The following CMC1 variants were observed in gnomAD, a reference collection of about 807,000 sequenced individuals.
The protein encoded by CMC1 is C-X9-C motif containing 1.
Under a neutral mutation model 14.1 loss-of-function variants are expected in CMC1, and 14 were observed. The ratio of observed to expected loss-of-function variants is 0.99; its 90% CI spans 0.66 to 1.55. CMC1 has a LOEUF of 1.55. CMC1 is among the 40% of genes most tolerant of loss of function. The probability of loss-of-function intolerance (pLI) is 0.00; values close to 1 mark genes in which losing one functional copy is unlikely to be tolerated. For synonymous variants in CMC1, 50 were observed against 38.4 expected (o/e 1.30, Z -1.12); for missense variants, 127 against 123.8 (o/e 1.03, Z -0.12).
At chr3:28,255,952 T>C (rs1264438556) in intron 1 of CMC1, among the ~76,000 whole-genome samples, 2 of 152,098 alleles carry the variant, frequency 1.3e-5, no homozygotes, top group East Asian at 1.9e-4. Flanking sequence ...TTGAGAAATA[T>C]AATTTTGCTA....
chr3:28,294,696 A>C (rs1701651589), intron 2 of CMC1, among the ~76,000 whole-genome samples: 2 of 152,204 alleles, frequency 1.3e-5, no homozygotes, highest in African/African-American at 4.8e-5. Flanking sequence ...TATGAATTAA[A>C]AAAATCTTTT....
At chr3:28,257,495 T>G (rs1015273619) in intron 1 of CMC1, among the ~76,000 whole-genome samples, 2 of 152,140 alleles carry the variant, frequency 1.3e-5, no homozygotes, top group African/African-American at 4.8e-5. Flanking sequence ...AATAGACTTG[T>G]ACAAGTTGTC....
At chr3:28,319,164 C>G in intron 3 of CMC1, 1 of 444,060 alleles carries the variant, frequency 2.3e-6, no homozygotes, top group South Asian at 1.6e-5. Context: ...TCTGCCCTCC[C>G]CATTTCTTCC....
At chr3:28,257,059 A>T (rs1469800930) in intron 1 of CMC1, among the ~76,000 whole-genome samples, 1 of 152,212 alleles carries the variant, frequency 6.6e-6, no homozygotes, top group Non-Finnish European at 1.5e-5. Context: ...GGAGAAAATT[A>T]TGAATCTTTT....
At chr3:28,266,931 GA>G (rs1336508490) in intron 2 of CMC1, among the ~76,000 whole-genome samples, 2 of 152,208 alleles carry the variant, frequency 1.3e-5, no homozygotes, top group African/African-American at 4.8e-5. Context: ...GAATGGAACT[GA>G]AGGAAAACCC....
intron 1 of CMC1, among the ~76,000 whole-genome samples, chr3:28,261,496 G>T (rs1371581028): frequency 1.3e-5 from 2 of 152,166 alleles, no homozygotes; most frequent in Non-Finnish European, 2.9e-5. Context: ...GAAAAAAGAA[G>T]TAATTTTGGA....
intron 2 of CMC1, among the ~76,000 whole-genome samples, chr3:28,278,199 C>G (rs1039175245): frequency 6.7e-6 from 1 of 149,524 alleles, no homozygotes; most frequent in African/African-American, 2.5e-5. Flanking sequence ...AAAGAGATGG[C>G]TCCTTATTTG....
chr3:28,269,644 C>T (rs1440472644), intron 2 of CMC1, among the ~76,000 whole-genome samples: 2 of 152,076 alleles, frequency 1.3e-5, no homozygotes, highest in Non-Finnish European at 2.9e-5. Flanking sequence ...CAGCTCACTG[C>T]AACCACTGCC....
At position 28,293,968 on chromosome 3, in the gene CMC1, A is replaced by G. The variant is rs187055647; in HGVS notation, c.110-22365A>G. 3.9e-3 allele frequency among the ~76,000 whole-genome samples: 591 copies of G among 152,326 alleles called. 1 individual carries two copies. The highest frequency in any genetic ancestry group is 6.7e-3 in the Non-Finnish European group (457 of 68,026). Reference sequence around the variant, plus strand: ...CTTCCTAAGACCTTTTATATTTTACATATAGCATTAAATTTGAACTATATG... The same window carrying G: ...CTTCCTAAGACCTTTTATATTTTACGTATAGCATTAAATTTGAACTATATG... On this transcript the variant is annotated intron_variant, in intron 2 of 3. Coordinates refer to ENST00000466830, the MANE Select transcript of CMC1 (RefSeq NM_182523.2).
chr3:28,247,337 A>T (rs1698876998), intron 1 of CMC1, among the ~76,000 whole-genome samples: 1 of 152,094 alleles, frequency 6.6e-6, no homozygotes, highest in African/African-American at 2.4e-5. Flanking sequence ...AAAAACCCTT[A>T]AGAGAGTAAG....
chr3:28,256,878 G>C (rs1025330602), intron 1 of CMC1, among the ~76,000 whole-genome samples: 1 of 152,138 alleles, frequency 6.6e-6, no homozygotes, highest in Admixed American at 6.5e-5. Flanking sequence ...ATAGAAATTG[G>C]AAGAGAATCT....
Position 28,256,620 on chromosome 3 carries a change from A to G in CMC1, c.20-6671A>G, listed in dbSNP as rs984080252. Reference sequence around the variant, plus strand: ...CTTTGTTTTATACACAATGTTCTAGATAATATAAAGGGAGAGGAAGGTCCC... The same window carrying G: ...CTTTGTTTTATACACAATGTTCTAGGTAATATAAAGGGAGAGGAAGGTCCC... On this transcript the variant is annotated intron_variant, in intron 1 of 3. Transcript: ENST00000466830. Among the ~76,000 whole-genome samples the G allele has an allele frequency of 3.3e-5, 5 of 152,178 alleles. No homozygotes were observed. The East Asian group carries it at 9.6e-4, about 29-fold the overall frequency.
chr3:28,245,444 C>T (rs1698774827), intron 1 of CMC1, among the ~76,000 whole-genome samples: 1 of 152,186 alleles, frequency 6.6e-6, no homozygotes, highest in Non-Finnish European at 1.5e-5. Context: ...TAATTCCTTT[C>T]TCCCTTCTTT....
intron 2 of CMC1, among the ~76,000 whole-genome samples, chr3:28,293,779 A>C (rs1037462511): frequency 6.6e-6 from 1 of 151,748 alleles, no homozygotes; most frequent in African/African-American, 2.4e-5. Flanking sequence ...ACCGAGTTTC[A>C]CCATGTTGGC....
chr3:28,312,116 T>C (rs891449741), intron 2 of CMC1, among the ~76,000 whole-genome samples: 2 of 152,220 alleles, frequency 1.3e-5, no homozygotes, highest in Admixed American at 6.5e-5. Context: ...GGTGCAGTTA[T>C]GGAAATATTG....
intron 2 of CMC1, among the ~76,000 whole-genome samples, chr3:28,301,679 TTAAA>T (rs1186239241): frequency 3.3e-5 from 5 of 152,114 alleles, no homozygotes; most frequent in African/African-American, 9.7e-5. Context: ...AAGCCAGTTG[TTAAA>T]TAAATAAATT....
At position 28,319,530 on chromosome 3, in the gene CMC1, T is replaced by A; in HGVS notation, c.222T>A (p.Tyr74Ter). Residue 74 changes from tyrosine to a stop codon, truncating the protein, a stop_gained, in exon 4 of 4, where the codon TAT becomes TAA. Coordinates refer to ENST00000466830, the MANE Select transcript of CMC1 (RefSeq NM_182523.2). LOFTEE classifies it high-confidence loss of function. ...ATAGCTATAATGATCCAGCCTTTTATGAAGAATGCAAAATGGAATACCTGA... is the reference window on the plus strand; with the variant it reads ...ATAGCTATAATGATCCAGCCTTTTAAGAAGAATGCAAAATGGAATACCTGA... Reference protein sequence around the residue: ...LTAYYNDPAFYEECKMEYLKE... With the variant: ...LTAYYNDPAF 2 of 1,603,102 alleles carry A rather than the reference T, an allele frequency of 1.2e-6. No homozygotes were observed. Among genetic ancestry groups the A allele is most frequent in the Non-Finnish European group, 1.7e-6 (2 of 1,173,348 alleles).
At chr3:28,275,324 G>GTTTTTTT (rs1559416008) in intron 2 of CMC1, among the ~76,000 whole-genome samples, 3 of 108,454 alleles carry the variant, frequency 2.8e-5, no homozygotes, top group Non-Finnish European at 2.1e-5. Flanking sequence ...ACTGTTAGTT[G>GTTTTTTT]TTTGTTTTTT....
chr3:28,286,000 C>T (rs893714898), intron 2 of CMC1, among the ~76,000 whole-genome samples: 2 of 152,024 alleles, frequency 1.3e-5, no homozygotes, highest in Non-Finnish European at 2.9e-5. Flanking sequence ...CTCCTGACCT[C>T]GTGATCTGCC....
Sources: allele counts gnomAD v4.1 joint callset (sites outside exome capture counted in the v4.1 genomes callset), GRCh38; gene constraint gnomAD v4.1.1; transcripts MANE v1.5; gene names NCBI Gene and HGNC (gene_info 2026-07-23, HGNC 2026-07-21).